Variants in RBFOX3 observed in about 807,000 individuals in gnomAD.
RBFOX3 encodes the protein RNA binding protein fox-1 homolog 3.
A neutral mutation model predicts 48.7 loss-of-function variants in RBFOX3; 17 were observed. That is an observed-to-expected ratio of 0.35 (90% CI 0.24 to 0.52). The LOEUF (loss-of-function observed/expected upper bound fraction) is 0.52, where lower values mean the gene tolerates loss of function less well. RBFOX3 is among the 20% of genes least tolerant of loss of function. RBFOX3 has a pLI of 0.94. For synonymous variants in RBFOX3, 212 were observed against 209.5 expected (o/e 1.01, Z -0.10); for missense variants, 382 against 497.5 (o/e 0.77, Z 2.21).
chr17:79,406,532 C>G (rs1021734529), intron 2 of RBFOX3, among the ~76,000 whole-genome samples: 1 of 152,204 alleles, frequency 6.6e-6, no homozygotes, highest in Non-Finnish European at 1.5e-5. Flanking sequence ...AAATCCCTGA[C>G]TCACTTCTAA....
At chr17:79,456,287 C>T (rs572641468) in intron 2 of RBFOX3, among the ~76,000 whole-genome samples, 33 of 152,210 alleles carry the variant, frequency 2.2e-4, no homozygotes, top group African/African-American at 2.9e-4. Context: ...CTGTTTGTTC[C>T]GCCTCCCACT....
rs562500705 is a variant in RBFOX3, at chr17:79,214,277, G to A, written c.-34+21489C>T. 1.3e-5 allele frequency among the ~76,000 whole-genome samples: 2 copies of A among 152,038 alleles called. No individual in the cohort carries two copies. Among genetic ancestry groups the A allele is most frequent in the Admixed American group, 6.5e-5 (1 of 15,278 alleles). On this transcript the variant is annotated intron_variant, in intron 4 of 14. Coordinates refer to ENST00000693108, the MANE Select transcript of RBFOX3 (RefSeq NM_001350451.2). The surrounding 1 kb of genome is among the most constrained non-coding windows in gnomAD (Gnocchi z 4.7). Reference sequence around the variant, plus strand: ...TGAAAGTGGCTGTGTGTTGGTTGCCGGCATGAAAAAACACTTTGCTTAATG... The same window carrying A: ...TGAAAGTGGCTGTGTGTTGGTTGCCAGCATGAAAAAACACTTTGCTTAATG...
At chr17:79,400,141 C>G (rs1442955959) in intron 2 of RBFOX3, among the ~76,000 whole-genome samples, 1 of 152,114 alleles carries the variant, frequency 6.6e-6, no homozygotes, top group Non-Finnish European at 1.5e-5. Context: ...GAAACAAATG[C>G]ACCACGGGGC....
chr17:79,222,213 T>A (rs1398525172), intron 4 of RBFOX3, among the ~76,000 whole-genome samples: 2 of 152,182 alleles, frequency 1.3e-5, no homozygotes, highest in East Asian at 1.9e-4. Context: ...GCAGCCTGAT[T>A]TCTAGCAGAT....
In RBFOX3 at chr17:79,563,064, C is replaced by T. The variant is rs1217745789; in HGVS notation, c.-320+47762G>A. Among the ~76,000 whole-genome samples, 3 of 152,236 alleles carry T rather than the reference C, an allele frequency of 2.0e-5. No individual in the cohort carries two copies. In the East Asian group the frequency reaches 5.8e-4, roughly 29 times the overall value. ...GGCCCCTGCGCAGCAGCAGAGCGGG[C>T]GGGGGGAGCAAGAAGGCCTGGTTTG... On this transcript the variant is annotated intron_variant, in intron 1 of 14. Coordinates refer to ENST00000693108, the MANE Select transcript of RBFOX3 (RefSeq NM_001350451.2).
At chr17:79,298,416 G>A (rs375235874) in intron 3 of RBFOX3, 54 of 152,378 alleles carry the variant, frequency 3.5e-4, no homozygotes, top group African/African-American at 1.3e-3. Context: ...TCCGGGAGAG[G>A]ACACCTGGAT....
At chr17:79,376,652 G>A (rs2059257431) in intron 2 of RBFOX3, among the ~76,000 whole-genome samples, 1 of 152,220 alleles carries the variant, frequency 6.6e-6, no homozygotes. Context: ...GGGAGCTGCT[G>A]TCTTGCAGCC....
intron 2 of RBFOX3, among the ~76,000 whole-genome samples, chr17:79,322,572 C>T (rs529184049): frequency 1.3e-5 from 2 of 152,256 alleles, no homozygotes; most frequent in South Asian, 2.1e-4. Flanking sequence ...ACATGTGTCA[C>T]GCAGCATCCA....
chr17:79,562,569 C>G (rs1273537105), intron 1 of RBFOX3, among the ~76,000 whole-genome samples: 1 of 152,186 alleles, frequency 6.6e-6, no homozygotes, highest in African/African-American at 2.4e-5. Context: ...AAGGGGCCAA[C>G]AAGGCAATGC....
chr17:79,449,649 A>ACACACG (rs1407790058), intron 2 of RBFOX3, among the ~76,000 whole-genome samples: 2 of 151,432 alleles, frequency 1.3e-5, no homozygotes, highest in African/African-American at 4.9e-5. Flanking sequence ...ACACACACAC[A>ACACACG]CTTTGAGTCT....
chr17:79,388,735 A>C (rs1046726044), intron 2 of RBFOX3, among the ~76,000 whole-genome samples: 2 of 151,586 alleles, frequency 1.3e-5, no homozygotes, highest in African/African-American at 4.9e-5. Context: ...GCTCCTCAGC[A>C]GCCGCCTCCA....
chr17:79,294,898 C>T (rs2074075175), intron 3 of RBFOX3, among the ~76,000 whole-genome samples: 1 of 152,216 alleles, frequency 6.6e-6, no homozygotes, highest in Non-Finnish European at 1.5e-5. Context: ...CCTCCCAACT[C>T]TTTATTTGAA....
intron 1 of RBFOX3, among the ~76,000 whole-genome samples, chr17:79,507,906 A>G (rs974097663): frequency 1.3e-5 from 2 of 151,982 alleles, no homozygotes; most frequent in African/African-American, 2.4e-5. Context: ...TGACAGGGCC[A>G]GTGAGGGGGC....
chr17:79,579,102 C>T (rs2092959081), intron 1 of RBFOX3, among the ~76,000 whole-genome samples: 1 of 152,218 alleles, frequency 6.6e-6, no homozygotes, highest in African/African-American at 2.4e-5. Flanking sequence ...GTGCTGTTTT[C>T]TTCCTGCCCA....
At chr17:79,119,562 C>A (rs932878252) in intron 4 of RBFOX3, among the ~76,000 whole-genome samples, 1 of 152,292 alleles carries the variant, frequency 6.6e-6, no homozygotes, top group South Asian at 2.1e-4. Flanking sequence ...GGGGTCTAGA[C>A]CCTGCAATGC....
intron 2 of RBFOX3, among the ~76,000 whole-genome samples, chr17:79,373,055 C>T (rs567569266): frequency 5.3e-5 from 8 of 152,282 alleles, no homozygotes; most frequent in Non-Finnish European, 8.8e-5. Flanking sequence ...AGGAAGCTCA[C>T]GTCGCCTCTC....
intron 4 of RBFOX3, among the ~76,000 whole-genome samples, chr17:79,190,589 TCTC>T (rs1297275851): frequency 6.6e-6 from 1 of 151,882 alleles, no homozygotes; most frequent in Non-Finnish European, 1.5e-5. Context: ...CCCTTGAAGC[TCTC>T]CACTGGGGGA....
intron 2 of RBFOX3, among the ~76,000 whole-genome samples, chr17:79,373,731 C>A (rs1166019830): frequency 1.3e-5 from 2 of 152,158 alleles, no homozygotes; most frequent in Non-Finnish European, 2.9e-5. Flanking sequence ...AGGAGCCGGG[C>A]CTACCACCTG....
At chr17:79,349,933 C>T (rs1193042758) in intron 2 of RBFOX3, among the ~76,000 whole-genome samples, 4 of 152,176 alleles carry the variant, frequency 2.6e-5, no homozygotes, top group Non-Finnish European at 4.4e-5. Context: ...ACGTGGCCCA[C>T]ACCCACAGTT....
Sources: allele counts gnomAD v4.1 joint callset (sites outside exome capture counted in the v4.1 genomes callset), GRCh38; gene constraint gnomAD v4.1.1; non-coding constraint Gnocchi (gnomAD v3.1); transcripts MANE v1.5; gene names NCBI Gene and HGNC (gene_info 2026-07-23, HGNC 2026-07-21).